The following BMX variants were observed in gnomAD, a reference collection of about 807,000 sequenced individuals.
BMX encodes BMX non-receptor tyrosine kinase, also known as cytoplasmic tyrosine-protein kinase BMX.
Under a neutral mutation model 59.2 loss-of-function variants are expected in BMX, and 31 were observed. The observed-to-expected ratio is 0.52, with a 90% CI of 0.39 to 0.71. BMX has a LOEUF of 0.71. Among genes scored for constraint, BMX ranks in the 30% least tolerant of loss-of-function variants. The pLI, the probability that BMX is intolerant of heterozygous loss-of-function variation, is 0.00. For synonymous variants in BMX, 185 were observed against 181.0 expected, an observed-to-expected ratio of 1.02 and a Z score of -0.18; for missense variants, 474 against 491.7, an observed-to-expected ratio of 0.96 and a Z score of 0.34.
intron 13 of BMX, among the ~76,000 whole-genome samples, 175 bp from the exon 14 acceptor site, chrX:15,536,959 G>A (rs965735744): frequency 1.1e-4 from 12 of 109,936 alleles, no homozygotes; most frequent in Non-Finnish European, 2.1e-4. Flanking sequence ...CCATTATCAC[G>A]TAGCCACAAG....
Position 15,549,875 on chromosome X carries a change from C to T in BMX, c.1831C>T (p.Gln611Ter). The change falls in exon 18 of 19, where the codon CAG becomes TAG. Residue 611 changes from glutamine to a stop codon, truncating the protein, a stop_gained. Transcript: ENST00000348343. LOFTEE classifies it high-confidence loss of function. ...GTGGGAGGTGTTCAGCCTGGGGAAG[C>T]AGCCCTATGACTTGTATGACAACTC... ...LMWEVFSLGK[Q>*]PYDLYDNSQV... is the part of the protein sequence containing the mutation. The T allele has an allele frequency of 8.3e-7, 1 of 1,209,147 alleles. No individual in the cohort carries two copies. The highest frequency in any genetic ancestry group is 1.1e-6 in the Non-Finnish European group (1 of 894,153).
intron 14 of BMX, among the ~76,000 whole-genome samples, chrX:15,540,359 C>T (rs1006214496): frequency 4.4e-4 from 48 of 108,675 alleles, no homozygotes; most frequent in East Asian, 4.1e-3. Flanking sequence ...CATGTTCTCA[C>T]TCATAAGTGG....
chrX:15,538,386 G>T (rs557138986), intron 14 of BMX, among the ~76,000 whole-genome samples: 1 of 111,613 alleles, frequency 9.0e-6, no homozygotes, highest in Non-Finnish European at 1.9e-5. Flanking sequence ...AGGACAGTTG[G>T]TCACTCTACT....
At chrX:15,555,591 C>CT (rs1926397638) in intron 18 of BMX, among the ~76,000 whole-genome samples, 1 of 111,129 alleles carries the variant, frequency 9.0e-6, no homozygotes, top group Non-Finnish European at 1.9e-5. Flanking sequence ...GAGGGGCACA[C>CT]TTTTTTAGTG....
chrX:15,556,130 G>A lies in BMX; in HGVS notation c.2011G>A (p.Glu671Lys). The change falls in exon 19 of 19, where the codon GAA becomes AAA. Residue 671 changes from glutamate to lysine, a missense_variant. Physicochemically the swap from Glu to Lys is moderately conservative, Grantham distance 56 (BLOSUM62 1). Transcript: ENST00000348343. ...QLLSSIEPLR[E>K]KDKH ...CCTGTCTTCCATTGAACCACTTCGGGAAAAAGACAAGCATTGAAGAAGAAA... is the reference window on the plus strand; with the variant it reads ...CCTGTCTTCCATTGAACCACTTCGGAAAAAAGACAAGCATTGAAGAAGAAA... 8.3e-7 allele frequency: 1 copy of A among 1,206,323 alleles called. No homozygotes were observed. The highest frequency in any genetic ancestry group is 1.1e-6 in the Non-Finnish European group (1 of 893,151).
At chrX:15,538,643 G>A (rs1311528721) in intron 14 of BMX, among the ~76,000 whole-genome samples, 7 of 111,754 alleles carry the variant, frequency 6.3e-5, no homozygotes, top group African/African-American at 1.3e-4. Flanking sequence ...ACAGGAAACC[G>A]AAGCACAGAA....
Position 15,526,106 on chromosome X carries a change from A to T in BMX, c.884+11A>T. ...CCTGGATGATTATGAGTGAGTATTG[A>T]AAGTCTTCTGGGTTCTTCTAAAATT... On this transcript the variant is annotated intron_variant, in intron 9 of 18. Transcript: ENST00000348343. The T allele has an allele frequency of 8.4e-7, 1 of 1,196,110 alleles. No homozygotes were observed. Among genetic ancestry groups the T allele is most frequent in the Non-Finnish European group, 1.1e-6 (1 of 883,375 alleles).
At position 15,509,421 on chromosome X, in the gene BMX, G is replaced by A; in HGVS notation, c.231G>A (p.Gln77=). The A allele has an allele frequency of 8.4e-7, 1 of 1,196,156 alleles. No individual in the cohort carries two copies. ...NLEEQTPVER[Q]YPFQIVYKDG... is the part of the protein sequence containing the mutation. ...AGGAGCAGACGCCTGTAGAGAGACAGTACCCATTTCAGGTAAAGGGAAGAA... is the reference window on the plus strand; with the variant it reads ...AGGAGCAGACGCCTGTAGAGAGACAATACCCATTTCAGGTAAAGGGAAGAA... Residue 77 remains glutamine (Q), a synonymous_variant, in exon 3 of 19, where the codon CAG becomes CAA. Coordinates refer to ENST00000348343, the MANE Select transcript of BMX (RefSeq NM_203281.3).
intron 5 of BMX, among the ~76,000 whole-genome samples, chrX:15,516,945 T>C (rs933543871): frequency 2.7e-5 from 3 of 111,607 alleles, no homozygotes; most frequent in African/African-American, 6.5e-5. Context: ...ATAACTTATT[T>C]TGGTAACAGT....
intron 1 of BMX, among the ~76,000 whole-genome samples, chrX:15,505,549 G>A (rs1923707951): frequency 8.9e-6 from 1 of 112,406 alleles, no homozygotes; most frequent in African/African-American, 3.2e-5. Flanking sequence ...GAGATGTGCT[G>A]TGTTTTTCTT....
At chrX:15,535,076 G>A (rs1925270925) in intron 12 of BMX, among the ~76,000 whole-genome samples, 1 of 111,881 alleles carries the variant, frequency 8.9e-6, no homozygotes, top group Non-Finnish European at 1.9e-5. Context: ...TGGAATTTCT[G>A]AGACAAAGGC....
In BMX at chrX:15,542,329, A is replaced by T. The variant is rs948705631; in HGVS notation, c.1611+131A>T. The T allele has an allele frequency of 9.1e-6, 5 of 552,047 alleles. No homozygotes were observed. In the East Asian group the frequency reaches 1.7e-4, roughly 19 times the overall value. The allele number at this position is 552,047 out of a possible 1,213,427, so 45.5% of individuals were successfully genotyped here. On this transcript the variant is annotated intron_variant, in intron 15 of 18. Coordinates refer to ENST00000348343, the MANE Select transcript of BMX (RefSeq NM_203281.3). ...ACTTTGCTCACTTGTGACTTGTTTAAGCAAATGACATTTTTACAAAAATCA... is the reference window on the plus strand; with the variant it reads ...ACTTTGCTCACTTGTGACTTGTTTATGCAAATGACATTTTTACAAAAATCA...
chrX:15,535,489 A>T (rs1417998734), intron 12 of BMX, among the ~76,000 whole-genome samples: 1 of 112,024 alleles, frequency 8.9e-6, no homozygotes, highest in East Asian at 2.8e-4. Context: ...AAGGTATTGC[A>T]CAAAGAGATG....
chrX:15,541,238 G>A (rs1021714021), intron 14 of BMX, among the ~76,000 whole-genome samples: 2 of 110,754 alleles, frequency 1.8e-5, no homozygotes, highest in Non-Finnish European at 3.8e-5. Context: ...CTTCCATCTG[G>A]AACATCTGAT....
At chrX:15,520,213 C>A (rs1237040795) in intron 6 of BMX, among the ~76,000 whole-genome samples, 1 of 112,332 alleles carries the variant, frequency 8.9e-6, no homozygotes, top group South Asian at 3.7e-4. Context: ...CAATTATAAT[C>A]GTTAGGAGTT....
chrX:15,542,316 T>C (rs907202354), intron 15 of BMX, 118 bp downstream of exon 15: 106 of 628,566 alleles, frequency 1.7e-4, no homozygotes, highest in Non-Finnish European at 2.5e-4. Context: ...TTTGCTCACT[T>C]GTGACTTGTT....
At chrX:15,506,521 A>G (rs56820670) in intron 1 of BMX, among the ~76,000 whole-genome samples, 10,091 of 111,760 alleles carry the variant, frequency 0.09, 1,071 homozygotes, top group African/African-American at 0.31. Flanking sequence ...ACCATGTCCA[A>G]TGTGATATTG....
At chrX:15,527,193 C>CAAA (rs1188631387) in intron 9 of BMX, among the ~76,000 whole-genome samples, 2 of 14,154 alleles carry the variant, frequency 1.4e-4, no homozygotes, top group Non-Finnish European at 2.4e-4. Context: ...GACTCTGTCT[C>CAAA]AAAAAAAAAA....
chrX:15,545,405 C>A (rs1925899394), intron 16 of BMX, among the ~76,000 whole-genome samples: 1 of 112,616 alleles, frequency 8.9e-6, no homozygotes, highest in Non-Finnish European at 1.9e-5. Context: ...CATCTTTTCT[C>A]CCCTGATTCT....
Sources: allele counts gnomAD v4.1 joint callset (sites outside exome capture counted in the v4.1 genomes callset), GRCh38; gene constraint gnomAD v4.1.1; transcripts MANE v1.5; gene names NCBI Gene and HGNC (gene_info 2026-07-23, HGNC 2026-07-21).